Variants in KSR2 observed in about 807,000 individuals in gnomAD.
KSR2 encodes the protein kinase suppressor of ras 2.
A neutral mutation model predicts 107.8 loss-of-function variants in KSR2; 25 were observed. That is an observed-to-expected ratio of 0.23 (90% CI 0.17 to 0.32). The LOEUF (loss-of-function observed/expected upper bound fraction) is 0.32. Ranked by LOEUF, KSR2 falls within the 10% of genes least tolerant of loss-of-function variation. KSR2 has a pLI of 1.00. For synonymous variants in KSR2, 480 were observed against 507.0 expected (o/e 0.95, Z 0.71); for missense variants, 887 against 1,268.9 (o/e 0.70, Z 4.57).
At chr12:117,710,854 G>A in intron 4 of KSR2, among the ~76,000 whole-genome samples, 1 of 151,994 alleles carries the variant, frequency 6.6e-6, no homozygotes, top group East Asian at 1.9e-4. Flanking sequence ...TTTCATCCAT[G>A]TCGACCTTCT....
chr12:117,639,629 GTATTAT>G lies in KSR2; in HGVS notation c.1171+27839_1171+27844del, dbSNP rs5801245. ...ACAGGCATGAGCCACCGCACCCAGCGTATTATTATTATTATTATTATTATTATTATA... is the reference window on the plus strand; with the variant it reads ...ACAGGCATGAGCCACCGCACCCAGCGTATTATTATTATTATTATTATTATA... On this transcript the variant is annotated intron_variant, in intron 5 of 19. Coordinates refer to ENST00000339824, the MANE Select transcript of KSR2 (RefSeq NM_173598.6). Among the ~76,000 whole-genome samples, 45 of 137,876 alleles carry G rather than the reference GTATTAT, an allele frequency of 3.3e-4. No individual in the cohort carries two copies. The South Asian group carries it at 3.7e-3, about 11-fold the overall frequency. The allele number at this position is 137,876 out of a possible 152,430, so 90.5% of individuals were successfully genotyped here. A position where few individuals can be genotyped will look rare whatever the true frequency, so the allele number is the denominator to read the frequency against.
At chr12:117,638,980 C>T (rs764392288) in intron 5 of KSR2, among the ~76,000 whole-genome samples, 10 of 152,142 alleles carry the variant, frequency 6.6e-5, no homozygotes, top group African/African-American at 9.7e-5. Context: ...TACATAAAGA[C>T]GGGATTTAGC....
At chr12:117,479,745 G>A (rs1384131421) in intron 16 of KSR2, among the ~76,000 whole-genome samples, 1 of 152,208 alleles carries the variant, frequency 6.6e-6, no homozygotes, top group Non-Finnish European at 1.5e-5. Context: ...CACATCCTGT[G>A]CTAGAAACTA....
At position 117,756,632 on chromosome 12, in the gene KSR2, C is replaced by T. The variant is rs185308364; in HGVS notation, c.986+4379G>A. Among the ~76,000 whole-genome samples the T allele has an allele frequency of 2.3e-4, 35 of 152,346 alleles. No individual in the cohort carries two copies. The East Asian group carries it at 5.4e-3, about 23-fold the overall frequency. On this transcript the variant is annotated intron_variant, in intron 4 of 19. Transcript: ENST00000339824. ...GTGATTTTCATCCCTGCTAATACAT[C>T]CATTCTGCAGCCCATGGATTAAGGA... is the stretch of plus-strand genomic sequence containing the variant.
intron 4 of KSR2, among the ~76,000 whole-genome samples, chr12:117,675,523 T>TG (rs1404957429): frequency 1.3e-5 from 2 of 152,226 alleles, no homozygotes; most frequent in African/African-American, 4.8e-5. Flanking sequence ...GGCAGGTGGT[T>TG]GCACATTCAG....
intron 1 of KSR2, among the ~76,000 whole-genome samples, chr12:117,887,063 A>G (rs140684508): frequency 2.9e-4 from 44 of 151,914 alleles, no homozygotes; most frequent in African/African-American, 1.1e-3. Flanking sequence ...AGTTGGGACT[A>G]CGGGCGCTCA....
chr12:117,690,749 G>A (rs550176945), intron 4 of KSR2, among the ~76,000 whole-genome samples: 24 of 152,252 alleles, frequency 1.6e-4, no homozygotes, highest in African/African-American at 5.5e-4. Context: ...TTAATTAAAT[G>A]GCAGTGACCT....
intron 5 of KSR2, among the ~76,000 whole-genome samples, chr12:117,655,018 A>T (rs1884080691): frequency 6.6e-6 from 1 of 152,234 alleles, no homozygotes; most frequent in African/African-American, 2.4e-5. Context: ...TGCCAGCAGC[A>T]GAGACCAACA....
intron 3 of KSR2, among the ~76,000 whole-genome samples, chr12:117,794,468 TCA>T (rs1470096073): frequency 2.1e-5 from 1 of 47,012 alleles, no homozygotes; most frequent in African/African-American, 9.4e-5. Flanking sequence ...ACATGCACAC[TCA>T]CACCAACATG....
intron 1 of KSR2, among the ~76,000 whole-genome samples, chr12:117,927,383 A>G (rs1299836233): frequency 4.8e-5 from 6 of 125,766 alleles, no homozygotes; most frequent in Admixed American, 4.0e-4. Context: ...CTCAAAAAAT[A>G]ACAACAAAAA....
intron 14 of KSR2, among the ~76,000 whole-genome samples, chr12:117,512,631 C>T (rs1874101647): frequency 6.6e-6 from 1 of 152,154 alleles, no homozygotes; most frequent in African/African-American, 2.4e-5. Context: ...CTTTCTAATA[C>T]CACCCAGCAT....
At chr12:117,772,927 T>G (rs1889557143) in intron 3 of KSR2, among the ~76,000 whole-genome samples, 1 of 152,192 alleles carries the variant, frequency 6.6e-6, no homozygotes, top group Non-Finnish European at 1.5e-5. Flanking sequence ...TCTGCCAAAT[T>G]ATCTTTCCCA....
intron 10 of KSR2, among the ~76,000 whole-genome samples, chr12:117,532,227 A>C (rs1304971700): frequency 6.6e-6 from 1 of 152,210 alleles, no homozygotes; most frequent in African/African-American, 2.4e-5. Context: ...GGAGGACAAA[A>C]GTCTGAAATA....
In KSR2 at chr12:117,483,525, T is replaced by TGA. The variant is rs142886621; in HGVS notation, c.2450+889_2450+890dup. Reference sequence around the variant, plus strand: ...ATAAAAAACATGCAGAGGTTTAAAATGAGAGAGAGAGAGAGAGCGAGAGAG... The same window carrying TGA: ...ATAAAAAACATGCAGAGGTTTAAAATGAGAGAGAGAGAGAGAGAGCGAGAGAG... On this transcript the variant is annotated intron_variant, in intron 16 of 19. Transcript: ENST00000339824. Among the ~76,000 whole-genome samples, 1,444 of 147,760 alleles carry TGA rather than the reference T, an allele frequency of 9.8e-3. 26 individuals carry two copies. The highest frequency in any genetic ancestry group is 0.031 in the African/African-American group (1,252 of 40,184).
rs969441551 is a variant in KSR2, at chr12:117,957,243, G to A, written c.180+10833C>T. Among the ~76,000 whole-genome samples, 6 of 152,174 alleles carry A rather than the reference G, an allele frequency of 3.9e-5. No homozygotes were observed. In the East Asian group the frequency reaches 5.8e-4, roughly 15 times the overall value. On this transcript the variant is annotated intron_variant, in intron 1 of 19. Coordinates refer to ENST00000339824, the MANE Select transcript of KSR2 (RefSeq NM_173598.6). ...TCCTGTGTCTGCGGCTGCCTTACTC[G>A]GTCAGTTTGGGTCAAATTGGTGACT...
chr12:117,728,173 C>A (rs569973344), intron 4 of KSR2, among the ~76,000 whole-genome samples: 6 of 152,200 alleles, frequency 3.9e-5, no homozygotes, highest in African/African-American at 1.4e-4. Context: ...ATTGAACTTA[C>A]CATCTGTGGT....
At chr12:117,567,020 T>G (rs1386423350) in intron 7 of KSR2, among the ~76,000 whole-genome samples, 1 of 134,184 alleles carries the variant, frequency 7.5e-6, no homozygotes, top group Non-Finnish European at 1.7e-5. Context: ...GCATTTACCA[T>G]GTGTGCCAAG....
chr12:117,473,903 A>G (rs1022307969), intron 17 of KSR2, among the ~76,000 whole-genome samples: 3 of 152,206 alleles, frequency 2.0e-5, no homozygotes, highest in East Asian at 1.9e-4. Flanking sequence ...TCACCTGTCA[A>G]TTGGGAGCAA....
Position 117,686,207 on chromosome 12 carries a change from C to T in KSR2, c.987-18549G>A, listed in dbSNP as rs565797389. 2.4e-3 allele frequency among the ~76,000 whole-genome samples: 319 copies of T among 133,110 alleles called. 2 individuals carry two copies. Among genetic ancestry groups the T allele is most frequent in the Middle Eastern group, 7.6e-3 (2 of 264 alleles). The allele number at this position is 133,110 out of a possible 152,430, so 87.3% of individuals were successfully genotyped here. ...GGGACCACAGGCACACACCACCACA[C>T]CCAGCTAATTTTTTTTTTTTTTTTT... On this transcript the variant is annotated intron_variant, in intron 4 of 19. Transcript: ENST00000339824.
Sources: gnomAD v4.1 joint callset for allele counts (sites outside exome capture counted in the v4.1 genomes callset) on GRCh38, gnomAD v4.1.1 for gene constraint, MANE v1.5 for transcripts, NCBI Gene and HGNC (gene_info 2026-07-23, HGNC 2026-07-21) for gene names.